Variants in RSRC1 observed in about 807,000 individuals in gnomAD.
RSRC1 encodes arginine and serine rich coiled-coil 1, also known as serine/Arginine-related protein 53.
In RSRC1, 39 loss-of-function variants were observed where a neutral mutation model predicts 49.1. The observed-to-expected ratio is 0.79, with a 90% CI of 0.61 to 1.04. The LOEUF is 1.04. Ranked by LOEUF, RSRC1 falls within the 50% of genes least tolerant of loss-of-function variation. The probability of loss-of-function intolerance (pLI) is 0.00; values close to 1 mark genes in which losing one functional copy is unlikely to be tolerated. For synonymous variants in RSRC1, 143 were observed against 130.8 expected (o/e 1.09, Z -0.63); for missense variants, 388 against 402.4 (o/e 0.96, Z 0.31).
intron 7 of RSRC1, among the ~76,000 whole-genome samples, chr3:158,476,812 T>C (rs992608478): frequency 6.6e-6 from 1 of 152,198 alleles, no homozygotes; most frequent in Non-Finnish European, 1.5e-5. Context: ...TTTGTGGGGC[T>C]AGAGCTGCCA....
rs182006505 is a variant in RSRC1, at chr3:158,316,920, A to G, written c.531+18845A>G. Among the ~76,000 whole-genome samples, 130 of 152,298 alleles carry G rather than the reference A, an allele frequency of 8.5e-4. 1 individual carries two copies. The highest frequency in any genetic ancestry group is 3.0e-3 in the African/African-American group (125 of 41,568). On this transcript the variant is annotated intron_variant, in intron 5 of 9. Coordinates refer to ENST00000611884, the MANE Select transcript of RSRC1 (RefSeq NM_001271838.2). ...AATTTACTATGTAACTTGAGAAATT[A>G]AAGATTTATTATTTAGTGCAAATAC...
chr3:158,261,840 T>C (rs1724911333), intron 4 of RSRC1, among the ~76,000 whole-genome samples: 1 of 152,222 alleles, frequency 6.6e-6, no homozygotes, highest in African/African-American at 2.4e-5. Context: ...GGGCTCCCAT[T>C]AATTCTACAT....
At chr3:158,509,435 A>T (rs1000059772) in intron 7 of RSRC1, among the ~76,000 whole-genome samples, 1 of 152,156 alleles carries the variant, frequency 6.6e-6, no homozygotes, top group Non-Finnish European at 1.5e-5. Context: ...TTTTATGCGT[A>T]TTCTTCTCTT....
At chr3:158,451,453 G>A (rs953362770) in intron 6 of RSRC1, among the ~76,000 whole-genome samples, 8 of 151,998 alleles carry the variant, frequency 5.3e-5, no homozygotes, top group African/African-American at 1.4e-4. Context: ...GTGAGTTTGG[G>A]GGGTATCTGC....
chr3:158,452,922 CA>C (rs1216876151), intron 6 of RSRC1, among the ~76,000 whole-genome samples: 1 of 152,172 alleles, frequency 6.6e-6, no homozygotes, highest in African/African-American at 2.4e-5. Flanking sequence ...AGTAGTTCTC[CA>C]TGCATGCTTT....
chr3:158,131,574 A>G (rs1249027548), intron 3 of RSRC1, among the ~76,000 whole-genome samples: 1 of 152,110 alleles, frequency 6.6e-6, no homozygotes, highest in Non-Finnish European at 1.5e-5. Context: ...GTACTCATGA[A>G]CTTGGTACTC....
At chr3:158,152,542 T>C (rs1717607023) in intron 3 of RSRC1, among the ~76,000 whole-genome samples, 1 of 152,200 alleles carries the variant, frequency 6.6e-6, no homozygotes, top group African/African-American at 2.4e-5. Context: ...ATAAAAGCTG[T>C]ACCAATAAAG....
chr3:158,283,637 A>C (rs908305596), intron 4 of RSRC1, among the ~76,000 whole-genome samples: 7 of 152,132 alleles, frequency 4.6e-5, no homozygotes, highest in African/African-American at 1.4e-4. Context: ...ATTATTGGGC[A>C]TTTAGTTCTC....
At chr3:158,485,799 C>G (rs1278823403) in intron 7 of RSRC1, among the ~76,000 whole-genome samples, 1 of 152,082 alleles carries the variant, frequency 6.6e-6, no homozygotes, top group Non-Finnish European at 1.5e-5. Flanking sequence ...GTGATTTTCA[C>G]TGACTTCCAG....
At chr3:158,315,866 ATG>A (rs1728399176) in intron 5 of RSRC1, among the ~76,000 whole-genome samples, 1 of 152,126 alleles carries the variant, frequency 6.6e-6, no homozygotes, top group Admixed American at 6.6e-5. Context: ...TACATTAATA[ATG>A]CAACCGAAAA....
chr3:158,525,461 A>G (rs1711954530), intron 7 of RSRC1, among the ~76,000 whole-genome samples: 1 of 151,972 alleles, frequency 6.6e-6, no homozygotes, highest in Admixed American at 6.6e-5. Flanking sequence ...GGGAACATAA[A>G]ATGGTATAAC....
At chr3:158,390,766 A>G (rs1285893231) in intron 6 of RSRC1, among the ~76,000 whole-genome samples, 1 of 152,136 alleles carries the variant, frequency 6.6e-6, no homozygotes, top group Non-Finnish European at 1.5e-5. Context: ...ATATTACAGT[A>G]TTTATGCTGT....
intron 7 of RSRC1, among the ~76,000 whole-genome samples, chr3:158,465,806 A>T (rs1197487542): frequency 6.6e-6 from 1 of 152,146 alleles, no homozygotes; most frequent in Non-Finnish European, 1.5e-5. Flanking sequence ...CATAATTTTA[A>T]AATATTTCTA....
chr3:158,419,678 A>G (rs965433588), intron 6 of RSRC1, among the ~76,000 whole-genome samples: 8 of 151,948 alleles, frequency 5.3e-5, no homozygotes, highest in African/African-American at 1.9e-4. Context: ...ACAGGTAATT[A>G]TGTGCCCTAC....
chr3:158,394,790 T>C (rs1200915655), intron 6 of RSRC1, among the ~76,000 whole-genome samples: 1 of 152,128 alleles, frequency 6.6e-6, no homozygotes, highest in Admixed American at 6.6e-5. Flanking sequence ...TTCAGTGCCA[T>C]TTCTATCAAA....
At chr3:158,259,569 C>T (rs1192732665) in intron 4 of RSRC1, among the ~76,000 whole-genome samples, 1 of 152,124 alleles carries the variant, frequency 6.6e-6, no homozygotes, top group East Asian at 1.9e-4. Flanking sequence ...CTGCGGTGAT[C>T]ACTGTCTGGC....
intron 7 of RSRC1, among the ~76,000 whole-genome samples, chr3:158,523,592 G>T (rs1285739843): frequency 6.6e-6 from 1 of 152,028 alleles, no homozygotes; most frequent in Non-Finnish European, 1.5e-5. Context: ...AGGGTCCTAG[G>T]AATTTAACTA....
At chr3:158,289,565 C>G (rs924716238) in intron 4 of RSRC1, among the ~76,000 whole-genome samples, 1 of 152,062 alleles carries the variant, frequency 6.6e-6, no homozygotes, top group African/African-American at 2.4e-5. Context: ...TCAGTCAGAT[C>G]AAAACTACTT....
intron 7 of RSRC1, among the ~76,000 whole-genome samples, chr3:158,476,419 T>C (rs968879397): frequency 1.2e-4 from 18 of 152,110 alleles, no homozygotes; most frequent in African/African-American, 4.3e-4. Flanking sequence ...GTGAAGTCAG[T>C]GTCTGATGTC....
Sources: gnomAD v4.1 joint callset for allele counts (sites outside exome capture counted in the v4.1 genomes callset) on GRCh38, gnomAD v4.1.1 for gene constraint, MANE v1.5 for transcripts, NCBI Gene and HGNC (gene_info 2026-07-23, HGNC 2026-07-21) for gene names.